Variants in PALLD observed in about 807,000 individuals in gnomAD.
PALLD encodes the protein palladin.
A neutral mutation model predicts 123.5 loss-of-function variants in PALLD; 61 were observed. That is an observed-to-expected ratio of 0.49 (90% CI 0.40 to 0.61). The LOEUF is 0.61. Ranked by LOEUF, PALLD falls within the 20% of genes least tolerant of loss-of-function variation. The probability of loss-of-function intolerance (pLI) is 0.00; values close to 1 mark genes in which losing one functional copy is unlikely to be tolerated. For synonymous variants in PALLD, 465 were observed against 496.4 expected, an observed-to-expected ratio of 0.94 and a Z score of 0.84; for missense variants, 1,273 against 1,377.0, an observed-to-expected ratio of 0.92 and a Z score of 1.20.
At chr4:168,533,067 C>A (rs975131169) in intron 2 of PALLD, among the ~76,000 whole-genome samples, 3 of 151,920 alleles carry the variant, frequency 2.0e-5, no homozygotes, top group Non-Finnish European at 2.9e-5. Flanking sequence ...CCCTCGAGGA[C>A]AATAATGGAA....
intron 2 of PALLD, among the ~76,000 whole-genome samples, chr4:168,642,727 G>A (rs1335800577): frequency 6.6e-6 from 1 of 152,216 alleles, no homozygotes; most frequent in Non-Finnish European, 1.5e-5. Context: ...ATAGGCTTGA[G>A]TCTTCCTGCA....
At chr4:168,517,600 G>A (rs939908177) in intron 2 of PALLD, among the ~76,000 whole-genome samples, 2 of 151,990 alleles carry the variant, frequency 1.3e-5, no homozygotes, top group African/African-American at 2.4e-5. Flanking sequence ...CCTCAAAAAC[G>A]ACAGGAAGAA....
At chr4:168,813,524 C>T (rs142240160) in intron 10 of PALLD, among the ~76,000 whole-genome samples, 79 of 152,248 alleles carry the variant, frequency 5.2e-4, no homozygotes, top group African/African-American at 1.7e-3. Flanking sequence ...GTGGTGTGAT[C>T]GTGGCTCACT....
chr4:168,512,154 C>T lies in PALLD; in HGVS notation c.650C>T (p.Ala217Val), dbSNP rs2149428927. The change falls in exon 2 of 22, where the codon GCC becomes GTC. Residue 217 changes from alanine (A) to valine (V), a missense_variant. By Grantham distance (64) the Ala-to-Val change is moderately conservative. Coordinates refer to ENST00000505667, the MANE Select transcript of PALLD (RefSeq NM_001166108.2). ...PKNQPSALLS[A>V]SASQSPMEDQ... ...AATCAGCCGTCAGCCCTGCTGAGTG[C>T]CTCAGCCAGCCAGAGCCCTATGGAA... is the stretch of plus-strand genomic sequence containing the variant. 3 of 1,614,170 alleles carry T rather than the reference C, an allele frequency of 1.9e-6. No individual in the cohort carries two copies. The highest frequency in any genetic ancestry group is 2.2e-5 in the East Asian group (1 of 44,870).
At chr4:168,858,781 CA>C (rs759850301) in intron 10 of PALLD, among the ~76,000 whole-genome samples, 1 of 114,316 alleles carries the variant, frequency 8.7e-6, no homozygotes, top group Non-Finnish European at 2.0e-5. Flanking sequence ...GACCCAGTCT[CA>C]AAAAAAATAA....
intron 3 of PALLD, among the ~76,000 whole-genome samples, chr4:168,670,059 A>G (rs1369404981): frequency 6.6e-6 from 1 of 152,204 alleles, no homozygotes; most frequent in Admixed American, 6.5e-5. Context: ...AGTTAGCAGT[A>G]TTATTCAGGG....
At chr4:168,602,609 G>C (rs1012589317) in intron 2 of PALLD, among the ~76,000 whole-genome samples, 1 of 152,160 alleles carries the variant, frequency 6.6e-6, no homozygotes, top group African/African-American at 2.4e-5. Context: ...GTTTGGCTTT[G>C]CTCTACTCAT....
chr4:168,710,687 G>C (rs1287102895), intron 9 of PALLD, among the ~76,000 whole-genome samples: 1 of 152,186 alleles, frequency 6.6e-6, no homozygotes, highest in Non-Finnish European at 1.5e-5. Context: ...CTAAGTGTCA[G>C]GATCAGAGTT....
At chr4:168,793,970 C>CTT (rs1738016729) in intron 10 of PALLD, among the ~76,000 whole-genome samples, 1 of 152,184 alleles carries the variant, frequency 6.6e-6, no homozygotes, top group African/African-American at 2.4e-5. Flanking sequence ...CACGTTCTGC[C>CTT]TAGGGTATCC....
chr4:168,783,044 A>ATG (rs373278434), intron 10 of PALLD, among the ~76,000 whole-genome samples: 6,140 of 82,030 alleles, frequency 0.075, 183 homozygotes, highest in South Asian at 0.14. Context: ...TTTTATATAT[A>ATG]TATGTGTGTG....
Position 168,512,156 on chromosome 4 carries a change from T to C in PALLD, c.652T>C (p.Ser218Pro). Residue 218 changes from serine to proline, a missense_variant, in exon 2 of 22, where the codon TCA (serine) becomes CCA (proline). Physicochemically the swap from Ser to Pro is moderately conservative, Grantham distance 74 (BLOSUM62 -1). Around this residue, in one of 2 missense-constraint regions of PALLD, gnomAD observed 944 missense variants for 954.5 expected, o/e 0.99. Transcript: ENST00000505667. ...TCAGCCGTCAGCCCTGCTGAGTGCC[T>C]CAGCCAGCCAGAGCCCTATGGAAGA... is the stretch of plus-strand genomic sequence containing the variant. ...KNQPSALLSA[S>P]ASQSPMEDQG... The C allele has an allele frequency of 6.2e-7, 1 of 1,614,122 alleles. No homozygotes were observed. The highest frequency in any genetic ancestry group is 8.5e-7 in the Non-Finnish European group (1 of 1,180,012).
At chr4:168,811,683 C>T (rs1461569741) in intron 10 of PALLD, among the ~76,000 whole-genome samples, 1 of 151,680 alleles carries the variant, frequency 6.6e-6, no homozygotes, top group African/African-American at 2.4e-5. Flanking sequence ...TTGCAGTGAG[C>T]CATAATCGCA....
At position 168,926,961 on chromosome 4, in the gene PALLD, A is replaced by AAAAG. The variant is rs1483137560; in HGVS notation, c.*783_*786dup. ...ACTACTTGCCTTAAATGTTAATATC[A>AAAAG]AAAGAGTTTTCTAACAAGGTTAATA... On this transcript the variant is annotated 3_prime_UTR_variant, in exon 22 of 22. Coordinates refer to ENST00000505667, the MANE Select transcript of PALLD (RefSeq NM_001166108.2). 2.3e-5 allele frequency: 5 copies of AAAAG among 219,988 alleles called. No individual in the cohort carries two copies. Among genetic ancestry groups the AAAAG allele is most frequent in the East Asian group, 6.8e-5 (1 of 14,808 alleles). 13.6% of individuals were successfully genotyped at this position (219,988 alleles called of 1,614,324 possible).
chr4:168,888,865 A>G (rs373192693), intron 10 of PALLD, among the ~76,000 whole-genome samples: 4 of 152,200 alleles, frequency 2.6e-5, no homozygotes, highest in Non-Finnish European at 5.9e-5. Flanking sequence ...CCAAGAGGAA[A>G]GAACAGCTGT....
intron 2 of PALLD, among the ~76,000 whole-genome samples, chr4:168,533,774 G>A (rs1764831953): frequency 6.6e-6 from 1 of 152,178 alleles, no homozygotes; most frequent in South Asian, 2.1e-4. Flanking sequence ...AGGGGAAACT[G>A]AGGGAAGAGA....
At chr4:168,694,743 T>C (rs1782978748) in intron 8 of PALLD, among the ~76,000 whole-genome samples, 1 of 152,248 alleles carries the variant, frequency 6.6e-6, no homozygotes, top group African/African-American at 2.4e-5. Flanking sequence ...GCGTCGTATC[T>C]GTCTGATGTG....
intron 10 of PALLD, among the ~76,000 whole-genome samples, chr4:168,731,028 C>T (rs1370204407): frequency 4.6e-5 from 7 of 152,124 alleles, no homozygotes; most frequent in African/African-American, 1.7e-4. Context: ...TACAAACTTT[C>T]AGCCAGTCTT....
In PALLD at chr4:168,529,418, G is replaced by A. The variant is rs141298625; in HGVS notation, c.908+17006G>A. 4.1e-3 allele frequency among the ~76,000 whole-genome samples: 622 copies of A among 152,148 alleles called. 6 individuals are homozygous for A. The highest frequency in any genetic ancestry group is 0.014 in the African/African-American group (593 of 41,506). ...ATGTAACCTGCAGCATAGTATTAGCGCAAGTGCAGGGAGCCAGGCGAAGGG... is the reference window on the plus strand; with the variant it reads ...ATGTAACCTGCAGCATAGTATTAGCACAAGTGCAGGGAGCCAGGCGAAGGG... On this transcript the variant is annotated intron_variant, in intron 2 of 21. Coordinates refer to ENST00000505667, the MANE Select transcript of PALLD (RefSeq NM_001166108.2).
chr4:168,731,399 C>T, intron 10 of PALLD, among the ~76,000 whole-genome samples: 1 of 152,172 alleles, frequency 6.6e-6, no homozygotes, highest in East Asian at 1.9e-4. Flanking sequence ...TATTCCCAAG[C>T]TAGATGACCT....
Sources: allele counts gnomAD v4.1 joint callset (sites outside exome capture counted in the v4.1 genomes callset), GRCh38; gene constraint gnomAD v4.1.1; regional missense constraint gnomAD v4.1.1; transcripts MANE v1.5; gene names NCBI Gene and HGNC (gene_info 2026-07-23, HGNC 2026-07-21).